The following CTDSPL2 variants were observed in gnomAD, a reference collection of about 807,000 sequenced individuals.
The protein encoded by CTDSPL2 is CTD small phosphatase-like protein 2.
CTDSPL2 carries 5 observed loss-of-function variants against 60.0 expected under a neutral mutation model. The ratio of observed to expected loss-of-function variants is 0.08; its 90% CI spans 0.04 to 0.18. CTDSPL2 has a LOEUF of 0.18. CTDSPL2 is among the 10% of genes least tolerant of loss of function. The pLI, the probability that CTDSPL2 is intolerant of heterozygous loss-of-function variation, is 1.00. For missense variants in CTDSPL2, 370 were observed against 548.8 expected (o/e 0.67, Z 3.26); for synonymous variants, 186 against 189.3 (o/e 0.98, Z 0.14).
At chr15:44,466,015 A>C (rs557719398) in intron 2 of CTDSPL2, among the ~76,000 whole-genome samples, 1 of 151,034 alleles carries the variant, frequency 6.6e-6, no homozygotes, top group African/African-American at 2.4e-5. Context: ...GCTCACTGCA[A>C]CCTCCATCTC....
chr15:44,482,039 C>T (rs2081036493), intron 2 of CTDSPL2, among the ~76,000 whole-genome samples: 1 of 152,138 alleles, frequency 6.6e-6, no homozygotes, highest in African/African-American at 2.4e-5. Context: ...CCCATAAGCC[C>T]GTTTCTACTT....
At chr15:44,506,336 C>T (rs1411355201) in intron 8 of CTDSPL2, among the ~76,000 whole-genome samples, 1 of 151,292 alleles carries the variant, frequency 6.6e-6, no homozygotes, top group African/African-American at 2.4e-5. Flanking sequence ...CATGCCCAGC[C>T]CCATTGGTAA....
chr15:44,451,707 C>T (rs572574102), intron 1 of CTDSPL2, among the ~76,000 whole-genome samples: 7 of 152,138 alleles, frequency 4.6e-5, no homozygotes, highest in Admixed American at 1.3e-4. Context: ...ATTTTTCTCC[C>T]GTCAAAAGTT....
chr15:44,478,813 C>T (rs976980200), intron 2 of CTDSPL2, among the ~76,000 whole-genome samples: 1 of 151,770 alleles, frequency 6.6e-6, no homozygotes, highest in African/African-American at 2.4e-5. Context: ...GAAACCCTGT[C>T]TCTACTAATA....
chr15:44,440,882 C>A (rs1292665364), intron 1 of CTDSPL2, among the ~76,000 whole-genome samples: 3 of 152,066 alleles, frequency 2.0e-5, no homozygotes, highest in Non-Finnish European at 4.4e-5. Flanking sequence ...AGCTGAGTTT[C>A]TGTTTTGTTG....
At chr15:44,441,354 A>G (rs1455207077) in intron 1 of CTDSPL2, among the ~76,000 whole-genome samples, 2 of 151,792 alleles carry the variant, frequency 1.3e-5, no homozygotes, top group Non-Finnish European at 2.9e-5. Flanking sequence ...TATTTTTCCC[A>G]TTGTAGAAGC....
At chr15:44,480,771 T>G (rs1303814647) in intron 2 of CTDSPL2, among the ~76,000 whole-genome samples, 1 of 151,108 alleles carries the variant, frequency 6.6e-6, no homozygotes, top group Non-Finnish European at 1.5e-5. Flanking sequence ...AGTTTGAGGC[T>G]GTAGTGAGCC....
At chr15:44,499,952 G>T in intron 8 of CTDSPL2, 139 bp downstream of exon 8, 1 of 543,440 alleles carries the variant, frequency 1.8e-6, no homozygotes, top group Admixed American at 3.3e-5. Flanking sequence ...ACATTTTAAT[G>T]ATTTATTAAC....
At chr15:44,482,080 G>A (rs76057287) in intron 2 of CTDSPL2, among the ~76,000 whole-genome samples, 3,531 of 152,168 alleles carry the variant, frequency 0.023, 76 homozygotes, top group East Asian at 0.096. Context: ...ATTATCCCCT[G>A]AGGTAGCATT....
intron 2 of CTDSPL2, among the ~76,000 whole-genome samples, chr15:44,474,232 C>T (rs1046849961): frequency 2.0e-4 from 30 of 152,070 alleles, no homozygotes; most frequent in African/African-American, 7.0e-4. Context: ...GCCTGTAATC[C>T]TAGCACTTTA....
chr15:44,466,757 C>G (rs1433130488), intron 2 of CTDSPL2, among the ~76,000 whole-genome samples: 1 of 148,748 alleles, frequency 6.7e-6, no homozygotes, highest in East Asian at 2.1e-4. Flanking sequence ...ACAGTGAAAC[C>G]CCGTCTCTAC....
chr15:44,451,637 T>G (rs541893293), intron 1 of CTDSPL2, among the ~76,000 whole-genome samples: 11 of 152,276 alleles, frequency 7.2e-5, no homozygotes, highest in African/African-American at 2.4e-4. Context: ...CTATCATGTC[T>G]TATAATTTTT....
chr15:44,492,105 A>C (rs1425008106), intron 5 of CTDSPL2, among the ~76,000 whole-genome samples: 1 of 151,974 alleles, frequency 6.6e-6, no homozygotes. Context: ...CTGACTTCAA[A>C]TGATCTGCCC....
At chr15:44,518,218 C>CT (rs1408693257) in intron 10 of CTDSPL2, among the ~76,000 whole-genome samples, 45 of 152,164 alleles carry the variant, frequency 3.0e-4, no homozygotes, top group Middle Eastern at 3.4e-3. Context: ...GTGATTAAGA[C>CT]ACAAGGAAGA....
At chr15:44,511,685 A>G (rs1206227787) in intron 8 of CTDSPL2, among the ~76,000 whole-genome samples, 5 of 151,944 alleles carry the variant, frequency 3.3e-5, no homozygotes, top group Non-Finnish European at 7.4e-5. Context: ...CCTGGTCAAC[A>G]CGGTGAAAAC....
intron 1 of CTDSPL2, among the ~76,000 whole-genome samples, chr15:44,430,248 G>T (rs1238561630): frequency 6.6e-6 from 1 of 152,136 alleles, no homozygotes; most frequent in Admixed American, 6.5e-5. Flanking sequence ...TTTATTGTCA[G>T]TTGAGTAAAA....
intron 2 of CTDSPL2, among the ~76,000 whole-genome samples, chr15:44,476,587 T>G (rs1444279860): frequency 6.6e-6 from 1 of 152,156 alleles, no homozygotes; most frequent in Admixed American, 6.6e-5. Flanking sequence ...TATAATACCA[T>G]ATTTTTACTG....
chr15:44,471,971 T>TA lies in CTDSPL2; in HGVS notation c.187-12240dup, dbSNP rs201621712. On this transcript the variant is annotated intron_variant, in intron 2 of 12. Coordinates refer to ENST00000260327, the MANE Select transcript of CTDSPL2 (RefSeq NM_016396.3). ...TGTGTCCTGGGAATTGAATAAAAAT[T>TA]AAAAAAAAAAAAAGAGAAAAAACAA... Among the ~76,000 whole-genome samples, 571 of 140,622 alleles carry TA rather than the reference T, an allele frequency of 4.1e-3. 14 individuals are homozygous for TA. In the East Asian group the frequency reaches 0.062, roughly 15 times the overall value. The allele number at this position is 140,622 out of a possible 152,430, so 92.3% of individuals were successfully genotyped here.
chr15:44,454,627 T>A (rs1013093754), intron 1 of CTDSPL2, among the ~76,000 whole-genome samples: 45 of 152,246 alleles, frequency 3.0e-4, no homozygotes, highest in Admixed American at 1.4e-3. Context: ...AGGGATCCAG[T>A]TTCAGCTTTC....
Sources: gnomAD v4.1 joint callset for allele counts (sites outside exome capture counted in the v4.1 genomes callset) on GRCh38, gnomAD v4.1.1 for gene constraint, MANE v1.5 for transcripts, NCBI Gene and HGNC (gene_info 2026-07-23, HGNC 2026-07-21) for gene names.